Variants in CFAP20DC observed in about 807,000 individuals in gnomAD.
CFAP20DC encodes protein CFAP20DC.
CFAP20DC carries 84 observed loss-of-function variants against 101.7 expected under a neutral mutation model. The observed-to-expected ratio is 0.83, with a 90% confidence interval of 0.69 to 0.99. The LOEUF (loss-of-function observed/expected upper bound fraction) is 0.99, where lower values mean the gene tolerates loss of function less well. Among genes scored for constraint, CFAP20DC ranks in the 50% least tolerant of loss-of-function variants. CFAP20DC has a pLI of 0.00. For missense variants in CFAP20DC, 1,007 were observed against 970.3 expected, an observed-to-expected ratio of 1.04 and a Z score of -0.50; for synonymous variants, 359 against 351.2, an observed-to-expected ratio of 1.02 and a Z score of -0.25.
intron 13 of CFAP20DC, among the ~76,000 whole-genome samples, chr3:58,834,643 C>T (rs946724764): frequency 6.6e-6 from 1 of 152,100 alleles, no homozygotes. Context: ...GGAAAATTAC[C>T]TAACCTCTCT....
In CFAP20DC at chr3:58,732,192, C is replaced by T. The variant is rs540758217; in HGVS notation, c.198-14564G>A. Among the ~76,000 whole-genome samples the T allele has an allele frequency of 1.3e-5, 2 of 152,170 alleles. No homozygotes were observed. Among genetic ancestry groups the T allele is most frequent in the East Asian group, 1.9e-4 (1 of 5,176 alleles). ...CAGAATAAAGCATTCAGCAGAGTCA[C>T]GGTCCAAGGCCTACCCTAATGACTC... On this transcript the variant is annotated intron_variant, in intron 3 of 3. Coordinates refer to the CFAP20DC transcript ENST00000486145. The surrounding 1 kb of genome is among the most constrained non-coding windows in gnomAD (Gnocchi z 5.4).
intron 4 of CFAP20DC, among the ~76,000 whole-genome samples, chr3:58,981,389 G>A (rs369713317): frequency 3.3e-5 from 5 of 151,946 alleles, no homozygotes; most frequent in Admixed American, 6.6e-5. Flanking sequence ...AAAAGAGCCC[G>A]CATCGCCAAG....
At chr3:59,038,277 T>A (rs536050116) in intron 4 of CFAP20DC, among the ~76,000 whole-genome samples, 26 of 152,114 alleles carry the variant, frequency 1.7e-4, no homozygotes, top group African/African-American at 6.3e-4. Flanking sequence ...ACTTAAAGTA[T>A]AATAATAATA....
intron 13 of CFAP20DC, 31 bp downstream of exon 13, chr3:58,849,001 G>T (rs764805118): frequency 2.0e-5 from 31 of 1,523,766 alleles, no homozygotes; most frequent in Non-Finnish European, 2.6e-5. Flanking sequence ...ATGTATTGCC[G>T]GCATCTGTAA....
chr3:58,990,754 G>GGTGTGTGTGTGTGTGTGTGTGTGTGTGT (rs71091398), intron 4 of CFAP20DC, among the ~76,000 whole-genome samples: 8 of 144,032 alleles, frequency 5.6e-5, no homozygotes, highest in African/African-American at 2.1e-4. Flanking sequence ...ATGCTCAGCT[G>GGTGTGTGTGTGTGTGTGTGTGTGTGTGT]GTGTGTGTGT....
intron 4 of CFAP20DC, among the ~76,000 whole-genome samples, chr3:58,952,608 C>T (rs913703285): frequency 6.6e-6 from 1 of 152,028 alleles, no homozygotes; most frequent in Non-Finnish European, 1.5e-5. Flanking sequence ...ATCAATGTCC[C>T]AACCTCCTTA....
rs572173295 is a variant in CFAP20DC, at chr3:58,924,667, G to C, written c.394-10803C>G. Among the ~76,000 whole-genome samples, 108 of 152,264 alleles carry C rather than the reference G, an allele frequency of 7.1e-4. 1 individual carries two copies. The highest frequency in any genetic ancestry group is 2.3e-3 in the African/African-American group (96 of 41,566). On this transcript the variant is annotated intron_variant, in intron 5 of 16. Coordinates refer to ENST00000482387, the MANE Select transcript of CFAP20DC (RefSeq NM_001394063.1). ...AAATGTCCACAGTGTTTTCCATAGA[G>C]GTTGTGCTAATTTATATTCCTACCA... is the stretch of plus-strand genomic sequence containing the variant.
chr3:58,759,382 G>GTTGT (rs541335816), intron 15 of CFAP20DC, among the ~76,000 whole-genome samples: 3 of 151,504 alleles, frequency 2.0e-5, no homozygotes, highest in Admixed American at 6.6e-5. Context: ...TGTTGATGGG[G>GTTGT]TTGTTTTTTT....
intron 15 of CFAP20DC, among the ~76,000 whole-genome samples, chr3:58,803,727 T>G (rs569804328): frequency 6.6e-5 from 10 of 152,200 alleles, no homozygotes; most frequent in African/African-American, 2.4e-4. Context: ...AACAGTTATA[T>G]GATAATTTTT....
intron 15 of CFAP20DC, among the ~76,000 whole-genome samples, chr3:58,776,622 T>C (rs1332720888): frequency 6.6e-6 from 1 of 150,664 alleles, no homozygotes; most frequent in Non-Finnish European, 1.5e-5. Flanking sequence ...AGCCACTTCT[T>C]TGAGAACTAC....
intron 1 of CFAP20DC, among the ~76,000 whole-genome samples, chr3:59,048,643 C>G (rs991720256): frequency 1.3e-5 from 2 of 151,914 alleles, no homozygotes; most frequent in African/African-American, 4.8e-5. Context: ...ACGAATGGGA[C>G]AGAAGAAAGA....
At chr3:58,816,910 G>C (rs1157329521) in intron 14 of CFAP20DC, among the ~76,000 whole-genome samples, 1 of 152,176 alleles carries the variant, frequency 6.6e-6, no homozygotes, top group Admixed American at 6.5e-5. Context: ...TTGGAAGAGA[G>C]CAGTGGTTCT....
chr3:59,030,698 T>C (rs980901412), intron 4 of CFAP20DC, among the ~76,000 whole-genome samples: 2 of 152,194 alleles, frequency 1.3e-5, no homozygotes, highest in African/African-American at 4.8e-5. Flanking sequence ...GCATCAGTAA[T>C]AGGATAAGAA....
At chr3:58,775,311 T>C (rs949777019) in intron 15 of CFAP20DC, among the ~76,000 whole-genome samples, 3 of 152,186 alleles carry the variant, frequency 2.0e-5, no homozygotes, top group Admixed American at 2.0e-4. Flanking sequence ...AGAATATGCA[T>C]CTATTTCAGT....
chr3:58,928,228 T>C (rs997298633), intron 5 of CFAP20DC, among the ~76,000 whole-genome samples: 3 of 152,058 alleles, frequency 2.0e-5, no homozygotes, highest in African/African-American at 7.2e-5. Context: ...GACAAGTAAA[T>C]AGATTGTTAA....
rs992727253 is a variant in CFAP20DC at position 58,722,996 on chromosome 3, T to C, written c.198-5368A>G. Among the ~76,000 whole-genome samples the C allele has an allele frequency of 6.6e-6, 1 of 152,240 alleles. No homozygotes were observed. Among genetic ancestry groups the C allele is most frequent in the African/African-American group, 2.4e-5 (1 of 41,466 alleles). On this transcript the variant is annotated intron_variant, in intron 3 of 3. Coordinates refer to the CFAP20DC transcript ENST00000486145. The surrounding 1 kb of genome is among the most constrained non-coding windows in gnomAD (Gnocchi z 4.5). ...AAACAGTCGAAATCCCTGACAACCA[T>C]GCTGGTGAGCAACCTATCCTGATCA...
intron 4 of CFAP20DC, among the ~76,000 whole-genome samples, chr3:59,004,402 C>T (rs1004013730): frequency 2.0e-5 from 3 of 152,214 alleles, no homozygotes; most frequent in African/African-American, 4.8e-5. Context: ...TAAGGAGTTA[C>T]TATTATTAAC....
In CFAP20DC at chr3:58,869,320, T is replaced by G. The variant is rs778589291; in HGVS notation, c.1015+8A>C. 1 of 1,602,666 alleles carries G rather than the reference T, an allele frequency of 6.2e-7. No homozygotes were observed. The highest frequency in any genetic ancestry group is 1.1e-5 in the South Asian group (1 of 89,626). On this transcript the variant is annotated splice_region_variant and intron_variant, in intron 9 of 16. Coordinates refer to ENST00000482387, the MANE Select transcript of CFAP20DC (RefSeq NM_001394063.1). The surrounding 1 kb of genome is among the most constrained non-coding windows in gnomAD (Gnocchi z 4.3). ...AGCTATCAATCTTTATGCATGATTATTTCTTACCATGAATAGGTACAGTCT... is the reference window on the plus strand; with the variant it reads ...AGCTATCAATCTTTATGCATGATTAGTTCTTACCATGAATAGGTACAGTCT...
At chr3:59,040,133 G>A (rs890687316) in intron 3 of CFAP20DC, among the ~76,000 whole-genome samples, 2 of 151,880 alleles carry the variant, frequency 1.3e-5, no homozygotes, top group Admixed American at 6.6e-5. Context: ...TAATTCATAT[G>A]GTTTTAAATG....
Sources: gnomAD v4.1 joint callset for allele counts (sites outside exome capture counted in the v4.1 genomes callset) on GRCh38, gnomAD v4.1.1 for gene constraint, Gnocchi (gnomAD v3.1) non-coding constraint, MANE v1.5 for transcripts, NCBI Gene and HGNC (gene_info 2026-07-23, HGNC 2026-07-21) for gene names.